CD180: variants seen among roughly 807,000 people sequenced by gnomAD.
The protein encoded by CD180 is CD180 molecule, also known as CD180 antigen.
In CD180, 11 loss-of-function variants were observed where a neutral mutation model predicts 10.7. That is an observed-to-expected ratio of 1.03 (90% CI 0.65 to 1.70). The LOEUF (loss-of-function observed/expected upper bound fraction) is 1.70, where lower values mean the gene tolerates loss of function less well. Ranked by LOEUF, CD180 falls within the 40% of genes most tolerant of loss-of-function variation. The pLI is 0.00. For missense variants in CD180, 729 were observed against 775.2 expected, an observed-to-expected ratio of 0.94 and a Z score of 0.71; for synonymous variants, 286 against 294.6, an observed-to-expected ratio of 0.97 and a Z score of 0.30.
intron 1 of CD180, among the ~76,000 whole-genome samples, chr5:67,193,389 C>A (rs1029586268): frequency 1.3e-5 from 2 of 152,186 alleles, no homozygotes; most frequent in Non-Finnish European, 2.9e-5. Flanking sequence ...TTAGCCACCC[C>A]TCCTTTTATC....
Position 67,183,765 on chromosome 5 carries a change from G to T in CD180, c.1078C>A (p.His360Asn). 2 of 1,614,208 alleles carry T rather than the reference G, an allele frequency of 1.2e-6. No homozygotes were observed. The highest frequency in any genetic ancestry group is 1.7e-6 in the Non-Finnish European group (2 of 1,180,042). The change falls in exon 3 of 3, where the codon CAC becomes AAC. Residue 360 changes from histidine (H) to asparagine (N), a missense_variant. By Grantham distance (68) the His-to-Asn change is moderately conservative. Coordinates refer to ENST00000256447, the MANE Select transcript of CD180 (RefSeq NM_005582.3). ...TTCTCCAAGCAGCCAACACCAAGGTGAAGTTTCTTCACGTTGCCTCTGATG... is the reference window on the plus strand; with the variant it reads ...TTCTCCAAGCAGCCAACACCAAGGTTAAGTTTCTTCACGTTGCCTCTGATG... ...LYIRGNVKKLHLGVGCLEKLG... is the reference protein window; with the variant it reads ...LYIRGNVKKLNLGVGCLEKLG...
chr5:67,190,159 G>A (rs1742273406), intron 1 of CD180, among the ~76,000 whole-genome samples: 1 of 152,148 alleles, frequency 6.6e-6, no homozygotes, highest in African/African-American at 2.4e-5. Context: ...TCCCAGTTAT[G>A]GGTTTGTATG....
At chr5:67,192,170 CAGG>C (rs1207830247) in intron 1 of CD180, among the ~76,000 whole-genome samples, 2 of 152,078 alleles carry the variant, frequency 1.3e-5, no homozygotes, top group Admixed American at 1.3e-4. Context: ...GTGGGCGGAT[CAGG>C]AGGTCAGGAG....
intron 1 of CD180, among the ~76,000 whole-genome samples, chr5:67,186,868 G>GTGTC (rs1742203942): frequency 6.7e-6 from 1 of 148,460 alleles, no homozygotes; most frequent in Non-Finnish European, 1.5e-5. Flanking sequence ...GTGTGTGTGT[G>GTGTC]TGTGTGAAAG....
At chr5:67,196,140 C>T (rs1282150104) in intron 1 of CD180, among the ~76,000 whole-genome samples, 1 of 152,184 alleles carries the variant, frequency 6.6e-6, no homozygotes, top group African/African-American at 2.4e-5. Flanking sequence ...CCTGGCACAG[C>T]GCTGTCTTTA....
rs1742102353 is a variant in CD180 at position 67,183,398 on chromosome 5, T to G, written c.1445A>C (p.Gln482Pro). The change falls in exon 3 of 3, where the codon CAA (glutamine) becomes CCA (proline). Residue 482 changes from glutamine (Q) to proline (P), a missense_variant. Physicochemically the swap from Gln to Pro is moderately conservative, Grantham distance 76 (BLOSUM62 -1). Transcript: ENST00000256447. Reference protein sequence around the residue: ...RHLNLKGNHFQDGTITKTNLL... With the variant: ...RHLNLKGNHFPDGTITKTNLL... ...GTTGGTCTTCGTGATAGTCCCATCT[T>G]GAAAGTGATTCCCTTTTAAGTTGAG... 8 of 1,614,120 alleles carry G rather than the reference T, an allele frequency of 5.0e-6. No homozygotes were observed. The Admixed American group carries it at 5.0e-5, about 10-fold the overall frequency.
Position 67,184,317 on chromosome 5 carries a change from T to C in CD180, c.526A>G (p.Lys176Glu). Residue 176 changes from lysine (K) to glutamate (E), a missense_variant, in exon 3 of 3, where the codon AAA becomes GAA. Transcript: ENST00000256447. ...FPKDFPARNLKVLDFQNNAIH... is the reference protein window; with the variant it reads ...FPKDFPARNLEVLDFQNNAIH... ...GCATTATTCTGAAAATCCAGTACTTTCAGATTCCGTGCTGGGAAGTCTTTG... is the reference window on the plus strand; with the variant it reads ...GCATTATTCTGAAAATCCAGTACTTCCAGATTCCGTGCTGGGAAGTCTTTG... The C allele has an allele frequency of 6.2e-7, 1 of 1,614,216 alleles. No individual in the cohort carries two copies. The highest frequency in any genetic ancestry group is 8.5e-7 in the Non-Finnish European group (1 of 1,180,024).
chr5:67,184,510 A>G lies in CD180; in HGVS notation c.333T>C (p.Asn111=). 1 of 1,613,870 alleles carries G rather than the reference A, an allele frequency of 6.2e-7. No homozygotes were observed. The highest frequency in any genetic ancestry group is 1.1e-5 in the South Asian group (1 of 91,074). ...ATGTTTCTGCCATGAATATCAGGGGATTTCCAGTTAACACAAGTGTGCTTA... is the reference window on the plus strand; with the variant it reads ...ATGTTTCTGCCATGAATATCAGGGGGTTTCCAGTTAACACAAGTGTGCTTA... The part of the protein sequence containing the change: ...HQLSTLVLTG[N]PLIFMAETSL... Residue 111 remains asparagine (N), a synonymous_variant, in exon 3 of 3, where the codon AAT becomes AAC. Coordinates refer to ENST00000256447, the MANE Select transcript of CD180 (RefSeq NM_005582.3).
At position 67,183,730 on chromosome 5, in the gene CD180, G is replaced by C; in HGVS notation, c.1113C>G (p.Asn371Lys). 1 of 1,614,094 alleles carries C rather than the reference G, an allele frequency of 6.2e-7. No homozygotes were observed. Among genetic ancestry groups the C allele is most frequent in the Non-Finnish European group, 8.5e-7 (1 of 1,180,030 alleles). ...TATGGCTTAAATCAAGTGTCTGAAG[G>C]TTTCCTAGTTTCTCCAAGCAGCCAA... ...LGVGCLEKLG[N>K]LQTLDLSHND... Residue 371 changes from asparagine (N) to lysine (K), a missense_variant, in exon 3 of 3, where the codon AAC becomes AAG. By Grantham distance (94) the Asn-to-Lys change is moderately conservative. Coordinates refer to ENST00000256447, the MANE Select transcript of CD180 (RefSeq NM_005582.3).
chr5:67,196,426 TA>T, intron 1 of CD180, 125 bp downstream of exon 1: 1 of 823,414 alleles, frequency 1.2e-6, no homozygotes, highest in Non-Finnish European at 1.9e-6. Flanking sequence ...AAAAATTATA[TA>T]TACACCTTAT....
rs753105619 is a variant in CD180, at chr5:67,183,511, G to A, written c.1332C>T (p.Leu444=). 3.1e-6 allele frequency: 5 copies of A among 1,614,194 alleles called. No individual in the cohort carries two copies. The East Asian group carries it at 1.1e-4, about 36-fold the overall frequency. The part of the protein sequence containing the change: ...INAPQSPFQN[L]HFLQVLNLTY... Reference sequence around the variant, plus strand: ...TGAGATTCAGAACCTGAAGGAAATGGAGGTTTTGGAAGGGACTTTGTGGAG... The same window carrying A: ...TGAGATTCAGAACCTGAAGGAAATGAAGGTTTTGGAAGGGACTTTGTGGAG... The change falls in exon 3 of 3, where the codon CTC becomes CTT. Residue 444 remains leucine (L), a synonymous_variant. Coordinates refer to ENST00000256447, the MANE Select transcript of CD180 (RefSeq NM_005582.3).
intron 1 of CD180, among the ~76,000 whole-genome samples, chr5:67,191,936 T>C (rs2151168541): frequency 6.6e-6 from 1 of 152,276 alleles, no homozygotes; most frequent in East Asian, 1.9e-4. Context: ...TTTTGATCCA[T>C]CTAAATGTGA....
intron 1 of CD180, among the ~76,000 whole-genome samples, chr5:67,195,341 C>T (rs764325027): frequency 9.9e-5 from 15 of 152,134 alleles, no homozygotes; most frequent in Non-Finnish European, 1.9e-4. Flanking sequence ...CTCAGCCTCC[C>T]GAGTAGTTGG....
intron 1 of CD180, among the ~76,000 whole-genome samples, chr5:67,190,179 A>G (rs1742273670): frequency 6.6e-6 from 1 of 152,198 alleles, no homozygotes; most frequent in African/African-American, 2.4e-5. Context: ...GTTCCTCATA[A>G]TTTGACTCTG....
chr5:67,181,977 C>A lies in CD180; in HGVS notation c.*880G>T, dbSNP rs1199219617. 1 of 152,194 alleles carries A rather than the reference C, an allele frequency of 6.6e-6. No homozygotes were observed. The highest frequency in any genetic ancestry group is 1.5e-5 in the Non-Finnish European group (1 of 68,042). 9.4% of individuals were successfully genotyped at this position (152,194 alleles called of 1,614,324 possible). ...TTTAAGGGCAAGCCTGAGAACCAAA[C>A]CACGATTTATTTCACAGTTCTTCTG... is the stretch of plus-strand genomic sequence containing the variant. On this transcript the variant is annotated 3_prime_UTR_variant, in exon 3 of 3. Transcript: ENST00000256447.
chr5:67,189,077 C>T (rs988183046), intron 1 of CD180, among the ~76,000 whole-genome samples: 3 of 152,170 alleles, frequency 2.0e-5, no homozygotes, highest in African/African-American at 7.2e-5. Flanking sequence ...TTAGAGGAGA[C>T]ATTTTGCTTT....
rs1174063565 is a variant in CD180, at chr5:67,185,976, G to A, written c.132C>T (p.Leu44=). Residue 44 remains leucine (L), a synonymous_variant, in exon 2 of 3, where the codon CTC becomes CTT. Coordinates refer to ENST00000256447, the MANE Select transcript of CD180 (RefSeq NM_005582.3). The stretch of plus-strand genomic sequence containing the variant: ...TTGGTAGAGTGTCAGGGATTTCACT[G>A]AGACCTAAATTTTCACAGTTATATG... ...NKTYNCENLG[L]SEIPDTLPNT... is the part of the protein sequence containing the mutation. The A allele has an allele frequency of 1.2e-6, 2 of 1,605,984 alleles. No individual in the cohort carries two copies. Among genetic ancestry groups the A allele is most frequent in the Non-Finnish European group, 1.7e-6 (2 of 1,176,596 alleles).
chr5:67,196,050 G>A (rs562937290), intron 1 of CD180, among the ~76,000 whole-genome samples: 1 of 152,284 alleles, frequency 6.6e-6, no homozygotes, highest in African/African-American at 2.4e-5. Flanking sequence ...CCTCCTATGG[G>A]TTAGTAAAAC....
rs5744503 is a variant in CD180, at chr5:67,188,187, T to C, written c.91-2170A>G. Among the ~76,000 whole-genome samples the C allele has an allele frequency of 2.9e-3, 422 of 146,900 alleles. 1 individual carries two copies. Among genetic ancestry groups the C allele is most frequent in the African/African-American group, 0.011 (396 of 37,384 alleles). On this transcript the variant is annotated intron_variant, in intron 1 of 2. Transcript: ENST00000256447. ...CTGCCTCAAAAAGAAAAAAAAAAGA[T>C]TGGGGGTAAGTTAGGCCTCCATTTG...
Sources: allele counts gnomAD v4.1 joint callset (sites outside exome capture counted in the v4.1 genomes callset), GRCh38; gene constraint gnomAD v4.1.1; transcripts MANE v1.5; gene names NCBI Gene and HGNC (gene_info 2026-07-23, HGNC 2026-07-21).